LDHAL6A: variants seen among roughly 807,000 people sequenced by gnomAD.
LDHAL6A encodes lactate dehydrogenase A like 6A.
In LDHAL6A, 19 loss-of-function variants were observed where a neutral mutation model predicts 28.2. That is an observed-to-expected ratio of 0.67 (90% CI 0.47 to 0.99). LDHAL6A has a LOEUF of 0.99. Ranked by LOEUF, LDHAL6A falls within the 50% of genes least tolerant of loss-of-function variation. The probability of loss-of-function intolerance (pLI) is 0.00; values close to 1 mark genes in which losing one functional copy is unlikely to be tolerated. For missense variants in LDHAL6A, 372 were observed against 398.6 expected, an observed-to-expected ratio of 0.93 and a Z score of 0.57; for synonymous variants, 144 against 134.4, an observed-to-expected ratio of 1.07 and a Z score of -0.49.
chr11:18,456,324 G>A lies in LDHAL6A; in HGVS notation c.-357G>A. On this transcript the variant is annotated 5_prime_UTR_variant, in exon 1 of 7. Coordinates refer to ENST00000280706, the MANE Select transcript of LDHAL6A (RefSeq NM_144972.5). Reference sequence around the variant, plus strand: ...GGTTGGGGGAACAGCAGGGTAAAGGGGAGAGAAAAGGGGGTCAGCTGCGGG... The same window carrying A: ...GGTTGGGGGAACAGCAGGGTAAAGGAGAGAGAAAAGGGGGTCAGCTGCGGG... 1 of 226,482 alleles carries A rather than the reference G, an allele frequency of 4.4e-6. No individual in the cohort carries two copies. The highest frequency in any genetic ancestry group is 8.7e-6 in the Non-Finnish European group (1 of 115,040). The allele number at this position is 226,482 out of a possible 1,614,324, so 14.0% of individuals were successfully genotyped here.
At chr11:18,463,551 C>T (rs1848978086) in intron 1 of LDHAL6A, among the ~76,000 whole-genome samples, 3 of 152,124 alleles carry the variant, frequency 2.0e-5, no homozygotes, top group African/African-American at 7.2e-5. Flanking sequence ...CTCCTCTGTG[C>T]CAGGTGGATG....
chr11:18,459,562 A>G (rs1462773244), intron 1 of LDHAL6A, among the ~76,000 whole-genome samples: 2 of 152,200 alleles, frequency 1.3e-5, no homozygotes, highest in African/African-American at 2.4e-5. Context: ...TCCCTTTCAT[A>G]TCGACATCTA....
At position 18,478,735 on chromosome 11, in the gene LDHAL6A, C is replaced by T. The variant is rs139641299; in HGVS notation, c.864C>T (p.Phe288=). The T allele has an allele frequency of 2.4e-4, 394 of 1,611,518 alleles. 1 individual carries two copies. The African/African-American group carries it at 4.4e-3, about 18-fold the overall frequency. Residue 288 remains phenylalanine (F), a synonymous_variant, in exon 7 of 7, where the codon TTC becomes TTT. Coordinates refer to ENST00000280706, the MANE Select transcript of LDHAL6A (RefSeq NM_144972.5). ...TCTATGGAATAAATGAAGACATATT[C>T]CTTAGTGTCCCATGTATCCTGGGAG... is the stretch of plus-strand genomic sequence containing the variant. ...KGLYGINEDI[F]LSVPCILGEN...
chr11:18,456,319 A>G lies in LDHAL6A; in HGVS notation c.-362A>G, dbSNP rs147282164. 1.7e-4 allele frequency: 38 copies of G among 222,040 alleles called. 1 individual carries two copies. Among genetic ancestry groups the G allele is most frequent in the African/African-American group, 8.3e-4 (35 of 42,234 alleles). The allele number at this position is 222,040 out of a possible 1,614,324, so 13.8% of individuals were successfully genotyped here. A position where few individuals can be genotyped will look rare whatever the true frequency, so the allele number is the denominator to read the frequency against. On this transcript the variant is annotated 5_prime_UTR_variant, in exon 1 of 7. Transcript: ENST00000280706. ...CTGGAGGTTGGGGGAACAGCAGGGT[A>G]AAGGGGAGAGAAAAGGGGGTCAGCT...
At chr11:18,476,642 A>G in intron 5 of LDHAL6A, 141 bp downstream of exon 5, 1 of 1,426,966 alleles carries the variant, frequency 7.0e-7, no homozygotes, top group Non-Finnish European at 9.2e-7. Context: ...GTGTGATCAT[A>G]TTCACCAGAT....
intron 5 of LDHAL6A, among the ~76,000 whole-genome samples, chr11:18,477,285 C>A (rs1413007713): frequency 6.6e-6 from 1 of 151,958 alleles, no homozygotes; most frequent in African/African-American, 2.4e-5. Context: ...GTGGTGAAAA[C>A]CCGTCTCTAC....
chr11:18,474,386 GTTTCT>G (rs1259827513), intron 3 of LDHAL6A, among the ~76,000 whole-genome samples: 24 of 149,496 alleles, frequency 1.6e-4, no homozygotes, highest in African/African-American at 3.2e-4. Flanking sequence ...GATGACGTAT[GTTTCT>G]TTTCTTTTCT....
At position 18,467,878 on chromosome 11, in the gene LDHAL6A, C is replaced by T. The variant is rs12786466; in HGVS notation, c.418+2068C>T. On this transcript the variant is annotated intron_variant, in intron 3 of 6. Coordinates refer to ENST00000280706, the MANE Select transcript of LDHAL6A (RefSeq NM_144972.5). ...CTCAAAAAAAATATATATATATACACACATATATATATATATATATATATA... is the reference window on the plus strand; with the variant it reads ...CTCAAAAAAAATATATATATATACATACATATATATATATATATATATATA... Among the ~76,000 whole-genome samples the T allele has an allele frequency of 3.6e-3, 131 of 36,280 alleles. 1 individual carries two copies. The highest frequency in any genetic ancestry group is 4.3e-3 in the South Asian group (3 of 702). The allele number at this position is 36,280 out of a possible 152,430, so 23.8% of individuals were successfully genotyped here.
chr11:18,461,471 A>T (rs910469133), intron 1 of LDHAL6A, among the ~76,000 whole-genome samples: 2 of 152,124 alleles, frequency 1.3e-5, no homozygotes, highest in Non-Finnish European at 2.9e-5. Flanking sequence ...GCACTAACAC[A>T]AAGGCGTTAT....
chr11:18,473,527 T>G (rs1034217239), intron 3 of LDHAL6A, among the ~76,000 whole-genome samples: 4 of 152,174 alleles, frequency 2.6e-5, no homozygotes, highest in Non-Finnish European at 5.9e-5. Context: ...GCCTCCCAAG[T>G]ATCTGGGACT....
In LDHAL6A at chr11:18,464,977, G is replaced by GTTTTTTTGTT. The variant is rs1565068683; in HGVS notation, c.245-653_245-652insGTTTTTTTTT. On this transcript the variant is annotated intron_variant, in intron 2 of 6. Coordinates refer to ENST00000280706, the MANE Select transcript of LDHAL6A (RefSeq NM_144972.5). ...TTTTAGGAGGTGAGGTGTTTTTTTT[G>GTTTTTTTGTT]TTTTTTTTTGTTTTGTTTTGTTTTG... Among the ~76,000 whole-genome samples, 11 of 125,486 alleles carry GTTTTTTTGTT rather than the reference G, an allele frequency of 8.8e-5. 1 individual carries two copies. The highest frequency in any genetic ancestry group is 4.2e-4 in the Admixed American group (5 of 11,956). 82.3% of individuals were successfully genotyped at this position (125,486 alleles called of 152,430 possible).
chr11:18,473,397 ACAGACAG>A (rs1849295232), intron 3 of LDHAL6A, among the ~76,000 whole-genome samples: 2 of 151,910 alleles, frequency 1.3e-5, no homozygotes, highest in African/African-American at 4.8e-5. Flanking sequence ...AGGTAGACAG[ACAGACAG>A]ACAGACAGAC....
At chr11:18,477,819 G>A in intron 6 of LDHAL6A, 76 bp downstream of exon 6, 1 of 1,417,768 alleles carries the variant, frequency 7.1e-7, no homozygotes, top group Non-Finnish European at 9.5e-7. Context: ...AGGCACTCTG[G>A]TTTTGGGTTT....
In LDHAL6A at chr11:18,464,091, G is replaced by C. The variant is rs1387437887; in HGVS notation, c.244+13G>C. ...GTCTCCAGCAAAGGTTAATGTCATA[G>C]TTAAATACTATAAATATTCTAATAT... is the stretch of plus-strand genomic sequence containing the variant. On this transcript the variant is annotated intron_variant, in intron 2 of 6. Coordinates refer to ENST00000280706, the MANE Select transcript of LDHAL6A (RefSeq NM_144972.5). 6.9e-7 allele frequency: 1 copy of C among 1,453,020 alleles called. No individual in the cohort carries two copies. The highest frequency in any genetic ancestry group is 9.7e-7 in the Non-Finnish European group (1 of 1,033,318). 90.0% of individuals were successfully genotyped at this position (1,453,020 alleles called of 1,614,324 possible).
intron 3 of LDHAL6A, among the ~76,000 whole-genome samples, chr11:18,466,222 G>C (rs995654422): frequency 8.5e-5 from 13 of 152,164 alleles, no homozygotes; most frequent in Non-Finnish European, 1.6e-4. Context: ...GGTGGGTTTA[G>C]TAACTTTGAG....
chr11:18,459,771 A>G (rs1338116400), intron 1 of LDHAL6A, among the ~76,000 whole-genome samples: 1 of 152,142 alleles, frequency 6.6e-6, no homozygotes, highest in South Asian at 2.1e-4. Flanking sequence ...ACGTTTAGTC[A>G]CTGTATCTCC....
At position 18,465,817 on chromosome 11, in the gene LDHAL6A, T is replaced by C. The variant is rs768420703; in HGVS notation, c.418+7T>C. ...CTTATTGTTACTAATCCAGGTCAGC[T>C]TTGTTGTTTTAAATTTTCAACTTTT... On this transcript the variant is annotated splice_region_variant and intron_variant, in intron 3 of 6. Transcript: ENST00000280706. 6.2e-7 allele frequency: 1 copy of C among 1,607,814 alleles called. No individual in the cohort carries two copies. The highest frequency in any genetic ancestry group is 1.7e-5 in the Admixed American group (1 of 59,190).
At chr11:18,463,482 C>T (rs1389360800) in intron 1 of LDHAL6A, among the ~76,000 whole-genome samples, 3 of 152,154 alleles carry the variant, frequency 2.0e-5, no homozygotes, top group African/African-American at 4.8e-5. Flanking sequence ...TTCATGTATT[C>T]TGTTATAAGG....
intron 6 of LDHAL6A, 58 bp downstream of exon 6, chr11:18,477,801 C>CT: frequency 6.6e-7 from 1 of 1,508,258 alleles, no homozygotes; most frequent in Non-Finnish European, 8.9e-7. Context: ...GGGTAAAGAA[C>CT]ATTTTTGAGG....
Sources: gnomAD v4.1 joint callset for allele counts (sites outside exome capture counted in the v4.1 genomes callset) on GRCh38, gnomAD v4.1.1 for gene constraint, MANE v1.5 for transcripts, NCBI Gene and HGNC (gene_info 2026-07-23, HGNC 2026-07-21) for gene names.